The following PLEKHA5 variants were observed in gnomAD, a reference collection of about 807,000 sequenced individuals.
The protein encoded by PLEKHA5 is pleckstrin homology domain-containing family A member 5.
A neutral mutation model predicts 181.9 loss-of-function variants in PLEKHA5; 55 were observed. The ratio of observed to expected loss-of-function variants is 0.30; its 90% CI spans 0.24 to 0.38. The LOEUF (loss-of-function observed/expected upper bound fraction) is 0.38, where lower values mean the gene tolerates loss of function less well. Ranked by LOEUF, PLEKHA5 falls within the 10% of genes least tolerant of loss-of-function variation. The pLI, the probability that PLEKHA5 is intolerant of heterozygous loss-of-function variation, is 1.00. For synonymous variants in PLEKHA5, 535 were observed against 529.4 expected (o/e 1.01, Z -0.15); for missense variants, 1,432 against 1,549.5 (o/e 0.92, Z 1.27).
rs1285346169 is a variant in PLEKHA5 at position 19,375,780 on chromosome 12, T to G, written c.*261T>G. 6.6e-6 allele frequency: 1 copy of G among 152,614 alleles called. No individual in the cohort carries two copies. Among genetic ancestry groups the G allele is most frequent in the Non-Finnish European group, 1.5e-5 (1 of 68,038 alleles). 9.5% of individuals were successfully genotyped at this position (152,614 alleles called of 1,614,324 possible). A position where few individuals can be genotyped will look rare whatever the true frequency, so the allele number is the denominator to read the frequency against. On this transcript the variant is annotated 3_prime_UTR_variant, in exon 32 of 32. Coordinates refer to ENST00000429027, the MANE Select transcript of PLEKHA5 (RefSeq NM_001256470.2). ...CTGCTATGATTTCAGAGCACATAAGTAAAGGTGCTTTTTAATGTGCAGTCT... is the reference window on the plus strand; with the variant it reads ...CTGCTATGATTTCAGAGCACATAAGGAAAGGTGCTTTTTAATGTGCAGTCT...
chr12:19,220,623 T>C (rs543607781), intron 3 of PLEKHA5, among the ~76,000 whole-genome samples: 1 of 152,324 alleles, frequency 6.6e-6, no homozygotes, highest in Admixed American at 6.5e-5. Flanking sequence ...ATTGTGACCT[T>C]TGGGTTGATT....
chr12:19,190,675 G>A (rs180699165), intron 3 of PLEKHA5, among the ~76,000 whole-genome samples: 58 of 152,320 alleles, frequency 3.8e-4, no homozygotes, highest in Non-Finnish European at 4.4e-5. Flanking sequence ...TTATCTCAGT[G>A]TTATTGCAAG....
intron 13 of PLEKHA5, chr12:19,288,161 G>A (rs966497240): frequency 1.9e-5 from 5 of 258,388 alleles, no homozygotes; most frequent in African/African-American, 9.2e-5. Flanking sequence ...TAAAACAGAA[G>A]TTGCAGTAAT....
chr12:19,365,878 G>T, intron 29 of PLEKHA5, 86 bp from the exon 30 acceptor site: 1 of 764,200 alleles, frequency 1.3e-6, no homozygotes. Flanking sequence ...TTAAACATAG[G>T]TGGTGGCATC....
At chr12:19,301,417 G>A (rs950479554) in intron 15 of PLEKHA5, among the ~76,000 whole-genome samples, 6 of 151,976 alleles carry the variant, frequency 3.9e-5, no homozygotes, top group East Asian at 1.9e-4. Flanking sequence ...GATAAACATA[G>A]TAGTAGCCTT....
chr12:19,352,946 C>CTT (rs33957042), intron 25 of PLEKHA5, among the ~76,000 whole-genome samples: 12,643 of 134,228 alleles, frequency 0.094, 642 homozygotes, highest in Middle Eastern at 0.19. Context: ...CCACACCCAG[C>CTT]TTTTTTTTTT....
intron 20 of PLEKHA5, among the ~76,000 whole-genome samples, chr12:19,325,308 T>C (rs2091836546): frequency 6.6e-6 from 1 of 152,132 alleles, no homozygotes; most frequent in Non-Finnish European, 1.5e-5. Context: ...GGAGGATCTC[T>C]TGAGCCCAGG....
In PLEKHA5 at chr12:19,373,954, CA is replaced by C. The variant is rs200433891; in HGVS notation, c.*12-1575del. Among the ~76,000 whole-genome samples, 971 of 152,170 alleles carry C rather than the reference CA, an allele frequency of 6.4e-3. 8 individuals are homozygous for C. The highest frequency in any genetic ancestry group is 0.022 in the African/African-American group (919 of 41,520). ...ATTTTATTTTGTTTTCTTCTTATTC[CA>C]AGAGCAGTGGCATACTGTAATGAGG... is the stretch of plus-strand genomic sequence containing the variant. On this transcript the variant is annotated intron_variant, in intron 31 of 31. Transcript: ENST00000429027.
chr12:19,184,184 A>C (rs2049279098), intron 3 of PLEKHA5, among the ~76,000 whole-genome samples: 1 of 152,196 alleles, frequency 6.6e-6, no homozygotes, highest in Non-Finnish European at 1.5e-5. Context: ...GAAAAAGATA[A>C]GAAGAAAGTA....
chr12:19,254,596 G>T (rs970196563), intron 4 of PLEKHA5, among the ~76,000 whole-genome samples: 1 of 152,120 alleles, frequency 6.6e-6, no homozygotes, highest in Non-Finnish European at 1.5e-5. Context: ...CAAGGTGGGC[G>T]AATCACTTGA....
In PLEKHA5 at chr12:19,347,015, C is replaced by A. The variant is rs2153198873; in HGVS notation, c.2731C>A (p.Arg911Ser). 1 of 1,549,452 alleles carries A rather than the reference C, an allele frequency of 6.5e-7. No homozygotes were observed. The highest frequency in any genetic ancestry group is 2.4e-5 in the East Asian group (1 of 40,832). Residue 911 changes from arginine to serine, a missense_variant, in exon 24 of 32, where the codon CGT becomes AGT. Coordinates refer to ENST00000429027, the MANE Select transcript of PLEKHA5 (RefSeq NM_001256470.2). ...KNEEEEVVPPRPPLPRSYDFT... is the reference protein window; with the variant it reads ...KNEEEEVVPPSPPLPRSYDFT... ...TTAGGAAGAGGAAGTAGTCCCACCT[C>A]GTCCTCCACTTCCTCGGTCCTATGA...
chr12:19,257,402 A>G (rs2067157820), intron 5 of PLEKHA5, 31 bp from the exon 6 acceptor site: 1 of 1,086,842 alleles, frequency 9.2e-7, no homozygotes, highest in South Asian at 1.4e-5. Context: ...CATTAATACC[A>G]CATTTTCTGT....
intron 3 of PLEKHA5, among the ~76,000 whole-genome samples, chr12:19,208,033 A>C (rs1305151501): frequency 6.6e-6 from 1 of 152,108 alleles, no homozygotes; most frequent in Non-Finnish European, 1.5e-5. Flanking sequence ...ACAAGTTTCG[A>C]CTCATTCTCT....
chr12:19,308,970 G>T (rs2085296176), intron 15 of PLEKHA5, among the ~76,000 whole-genome samples: 1 of 151,366 alleles, frequency 6.6e-6, no homozygotes, highest in South Asian at 2.1e-4. Context: ...TCTGAGGCAG[G>T]AGAATCACTT....
rs2033411819 is a variant in PLEKHA5 at position 19,130,644 on chromosome 12, T to A, written c.169+514T>A. On this transcript the variant is annotated intron_variant, in intron 2 of 31. Transcript: ENST00000429027. This position sits in a 1 kb window ranked among gnomAD's most constrained non-coding sequence, Gnocchi z 4.5. ...GAGCGCTGCCTCCTGCCGTGCAGCT[T>A]CCTCCTCCTAGGTGGGACTTGTGGG... 1 of 152,354 alleles carries A rather than the reference T, an allele frequency of 6.6e-6. No homozygotes were observed. Among genetic ancestry groups the A allele is most frequent in the African/African-American group, 2.4e-5 (1 of 41,402 alleles). 9.4% of individuals were successfully genotyped at this position (152,354 alleles called of 1,614,324 possible).
In PLEKHA5 at chr12:19,336,583, G is replaced by C. The variant is rs2093440293; in HGVS notation, c.2517G>C (p.Met839Ile). ...EYDVTVTRNQ[M>I]QEQLDHLGEV... ...ATGTAACTGTTACCAGGAACCAGAT[G>C]CAAGAGCAGCTGGATCACCTTGGTG... The change falls in exon 21 of 32, where the codon ATG becomes ATC. Residue 839 changes from methionine to isoleucine, a missense_variant. Met to Ile is a conservative substitution (Grantham distance 10). Transcript: ENST00000429027. 1.9e-6 allele frequency: 3 copies of C among 1,603,282 alleles called. No homozygotes were observed. Among genetic ancestry groups the C allele is most frequent in the Middle Eastern group, 1.7e-4 (1 of 6,034 alleles).
At chr12:19,183,516 T>C (rs1214997038) in intron 3 of PLEKHA5, among the ~76,000 whole-genome samples, 1 of 152,190 alleles carries the variant, frequency 6.6e-6, no homozygotes, top group African/African-American at 2.4e-5. Context: ...CCGATAATAA[T>C]GAATTTCTCA....
intron 3 of PLEKHA5, among the ~76,000 whole-genome samples, chr12:19,252,120 ATCTATATCTT>A (rs1274423147): frequency 4.0e-5 from 5 of 124,992 alleles, no homozygotes; most frequent in Admixed American, 8.0e-5. Context: ...TTTTAAAACT[ATCTATATCTT>A]TATATTAATA....
In PLEKHA5 at chr12:19,342,137, A is replaced by T. The variant is rs2153174723; in HGVS notation, c.2551-1186A>T. 2.0e-5 allele frequency among the ~76,000 whole-genome samples: 3 copies of T among 152,280 alleles called. 1 individual carries two copies. In the South Asian group the frequency reaches 6.2e-4, roughly 32 times the overall value. ...TAATAACTGATACTCAGCCAAAGAA[A>T]GTATTGTTCTAGGCAATGTGACAGT... On this transcript the variant is annotated intron_variant, in intron 21 of 31. Coordinates refer to ENST00000429027, the MANE Select transcript of PLEKHA5 (RefSeq NM_001256470.2).
Sources: gnomAD v4.1 joint callset for allele counts (sites outside exome capture counted in the v4.1 genomes callset) on GRCh38, gnomAD v4.1.1 for gene constraint, Gnocchi (gnomAD v3.1) non-coding constraint, MANE v1.5 for transcripts, NCBI Gene and HGNC (gene_info 2026-07-23, HGNC 2026-07-21) for gene names.